VOPP1: variants seen among roughly 807,000 people sequenced by gnomAD.
VOPP1 encodes VOPP1 WW domain binding protein.
In VOPP1, 8 loss-of-function variants were observed where a neutral mutation model predicts 23.5. That is an observed-to-expected ratio of 0.34 (90% CI 0.20 to 0.61). The LOEUF is 0.61. Among genes scored for constraint, VOPP1 ranks in the 20% least tolerant of loss-of-function variants. The pLI is 0.78. For synonymous variants in VOPP1, 83 were observed against 97.3 expected, an observed-to-expected ratio of 0.85 and a Z score of 0.86; for missense variants, 174 against 238.1, an observed-to-expected ratio of 0.73 and a Z score of 1.77.
At chr7:55,463,296 T>C (rs1791551889) in intron 4 of VOPP1, among the ~76,000 whole-genome samples, 1 of 152,202 alleles carries the variant, frequency 6.6e-6, no homozygotes. Context: ...TTCAAACCTG[T>C]TCCTAGAGAA....
chr7:55,565,974 A>T (rs1798151487), intron 1 of VOPP1, among the ~76,000 whole-genome samples: 2 of 152,206 alleles, frequency 1.3e-5, no homozygotes, highest in Admixed American at 6.5e-5. Context: ...ATCCAAAACC[A>T]ATCTCCGATC....
intron 4 of VOPP1, among the ~76,000 whole-genome samples, chr7:55,477,104 G>T (rs555084137): frequency 6.6e-6 from 1 of 152,324 alleles, no homozygotes; most frequent in African/African-American, 2.4e-5. Context: ...GTATCTTTCA[G>T]TCTCAGCTCA....
chr7:55,521,899 G>C (rs1795888847), intron 1 of VOPP1: 2 of 985,640 alleles, frequency 2.0e-6, no homozygotes, highest in South Asian at 4.7e-5. Flanking sequence ...TCTGAACAAG[G>C]CTTTTCTAAA....
At chr7:55,569,346 G>A (rs564660974) in intron 1 of VOPP1, among the ~76,000 whole-genome samples, 2 of 152,300 alleles carry the variant, frequency 1.3e-5, no homozygotes, top group East Asian at 1.9e-4. Context: ...GCCACCGTTT[G>A]TAGGCTAAAT....
intron 1 of VOPP1, among the ~76,000 whole-genome samples, 155 bp downstream of exon 1, chr7:55,572,116 C>T (rs1798384383): frequency 6.6e-6 from 1 of 151,834 alleles, no homozygotes; most frequent in African/African-American, 2.4e-5. Context: ...TCCCGCACCT[C>T]CCAGCTCCGG....
chr7:55,456,977 T>C (rs1049734594), intron 4 of VOPP1, among the ~76,000 whole-genome samples: 3 of 152,130 alleles, frequency 2.0e-5, no homozygotes, highest in Non-Finnish European at 4.4e-5. Context: ...TTATAAAATA[T>C]ATTATTAACT....
downstream of VOPP1, chr7:55,435,996 G>A (rs893088936): frequency 6.6e-6 from 1 of 152,350 alleles, no homozygotes; most frequent in Non-Finnish European, 1.5e-5. Flanking sequence ...GGACCCCGGA[G>A]TGTTCCTCTG....
At chr7:55,449,772 C>G (rs1028725204) in intron 4 of VOPP1, among the ~76,000 whole-genome samples, 2 of 152,132 alleles carry the variant, frequency 1.3e-5, no homozygotes, top group South Asian at 2.1e-4. Flanking sequence ...CCTCCACCCC[C>G]GCACTGTGCC....
chr7:55,567,968 C>T (rs865834227), intron 1 of VOPP1, among the ~76,000 whole-genome samples: 7 of 152,136 alleles, frequency 4.6e-5, no homozygotes, highest in Non-Finnish European at 7.3e-5. Flanking sequence ...AATTTCCAGA[C>T]TCCCAGGCAT....
chr7:55,538,871 C>G (rs1043796841), intron 1 of VOPP1, among the ~76,000 whole-genome samples: 7 of 151,230 alleles, frequency 4.6e-5, no homozygotes, highest in African/African-American at 1.7e-4. Context: ...TAATATGATC[C>G]CATCTGTGTA....
rs1432772195 is a variant in VOPP1 at position 55,572,502 on chromosome 7, C to T, written c.-178G>A. ...GCGCCGCGCAGCCCTGGCTGCGCTC[C>T]GCCCCCGGCCGCCGCGCGCTCCCGA... is the stretch of plus-strand genomic sequence containing the variant. On this transcript the variant is annotated 5_prime_UTR_variant, in exon 1 of 5. Transcript: ENST00000285279. The T allele has an allele frequency of 2.2e-5, 4 of 184,642 alleles. No homozygotes were observed. Among genetic ancestry groups the T allele is most frequent in the South Asian group, 1.8e-4 (1 of 5,502 alleles). 11.4% of individuals were successfully genotyped at this position (184,642 alleles called of 1,614,324 possible).
rs1019292100 is a variant in VOPP1 at position 55,497,782 on chromosome 7, C to A, written c.114-92G>T. ...CAGGCTGGGCTTCAATGTAATCATT[C>A]TTGAAGGAAGAAATCAGTAAGAGCA... On this transcript the variant is annotated intron_variant, in intron 2 of 4. Coordinates refer to ENST00000285279, the MANE Select transcript of VOPP1 (RefSeq NM_030796.5). 2.7e-6 allele frequency: 3 copies of A among 1,105,428 alleles called. No homozygotes were observed. In the African/African-American group the frequency reaches 4.6e-5, roughly 17 times the overall value. The allele number at this position is 1,105,428 out of a possible 1,614,324, so 68.5% of individuals were successfully genotyped here. A position where few individuals can be genotyped will look rare whatever the true frequency, so the allele number is the denominator to read the frequency against.
intron 4 of VOPP1, among the ~76,000 whole-genome samples, chr7:55,475,813 C>A (rs1439218543): frequency 3.3e-5 from 5 of 152,238 alleles, no homozygotes; most frequent in African/African-American, 1.2e-4. Flanking sequence ...CTGCCCCTCA[C>A]GTCACCAGTG....
At chr7:55,464,821 G>C (rs537204177) in intron 4 of VOPP1, among the ~76,000 whole-genome samples, 1 of 152,296 alleles carries the variant, frequency 6.6e-6, no homozygotes, top group South Asian at 2.1e-4. Context: ...TGATCTTGGG[G>C]TGTGTGGGGG....
chr7:55,529,877 A>G (rs145401362), intron 1 of VOPP1, among the ~76,000 whole-genome samples: 4 of 152,330 alleles, frequency 2.6e-5, no homozygotes, highest in African/African-American at 7.2e-5. Flanking sequence ...GTTGCTGCAT[A>G]TATCAGCAAT....
chr7:55,554,973 A>G (rs954885237), intron 1 of VOPP1, among the ~76,000 whole-genome samples: 1 of 152,214 alleles, frequency 6.6e-6, no homozygotes, highest in African/African-American at 2.4e-5. Flanking sequence ...AAAGCTTCCA[A>G]GGTGGCTGCT....
intron 2 of VOPP1, among the ~76,000 whole-genome samples, chr7:55,510,958 T>C (rs1332738599): frequency 6.6e-6 from 1 of 152,122 alleles, no homozygotes; most frequent in African/African-American, 2.4e-5. Flanking sequence ...AGGACCCCCA[T>C]TTCTACAGTT....
chr7:55,467,017 C>T (rs1282546419), downstream of VOPP1, among the ~76,000 whole-genome samples: 1 of 152,136 alleles, frequency 6.6e-6, no homozygotes, highest in African/African-American at 2.4e-5. Flanking sequence ...GATCATTAGG[C>T]ATTAGATTCT....
intron 1 of VOPP1, chr7:55,539,369 G>C (rs752071051): frequency 1.3e-5 from 2 of 152,042 alleles, no homozygotes; most frequent in Non-Finnish European, 2.9e-5. Context: ...AAAAAAGTAC[G>C]TGTATTTATT....
Sources: allele counts gnomAD v4.1 joint callset (sites outside exome capture counted in the v4.1 genomes callset), GRCh38; gene constraint gnomAD v4.1.1; transcripts MANE v1.5; gene names NCBI Gene and HGNC (gene_info 2026-07-23, HGNC 2026-07-21).